The following ZNF43 variants were observed in gnomAD, a reference collection of about 807,000 sequenced individuals.
The protein encoded by ZNF43 is zinc finger protein 39-like 1 (KOX 27).
A neutral mutation model predicts 68.4 loss-of-function variants in ZNF43; 44 were observed. The observed-to-expected ratio is 0.64, with a 90% CI of 0.51 to 0.83. The LOEUF (loss-of-function observed/expected upper bound fraction) is 0.83, where lower values mean the gene tolerates loss of function less well. Ranked by LOEUF, ZNF43 falls within the 40% of genes least tolerant of loss-of-function variation. The pLI is 0.00. For missense variants in ZNF43, 896 were observed against 933.2 expected, an observed-to-expected ratio of 0.96 and a Z score of 0.52; for synonymous variants, 308 against 307.8, an observed-to-expected ratio of 1.00 and a Z score of -0.01.
chr19:21,808,622 T>C lies in ZNF43; in HGVS notation c.1415A>G (p.His472Arg), dbSNP rs200283818. 15 of 1,613,722 alleles carry C rather than the reference T, an allele frequency of 9.3e-6. No homozygotes were observed. The highest frequency in any genetic ancestry group is 2.2e-5 in the East Asian group (1 of 44,868). The change falls in exon 4 of 4, where the codon CAT becomes CGT. Residue 472 changes from histidine to arginine, a missense_variant. By Grantham distance (29) the His-to-Arg change is conservative. Transcript: ENST00000354959. The part of the protein sequence containing the change: ...AFNQFSNLTT[H>R]KRIHTAEKPY... ...TTTTTCTGCAGTATGAATTCTCTTA[T>C]GTGTAGTAAGGTTTGAGAACTGGTT...
rs1181354510 is a variant in ZNF43, at chr19:21,844,921, AATAT to A, written c.30+6980_30+6983del. ...CAAAAAAAAAAAAAAAAAAAAAAAAAATATATATATATATATATATATATATGTT... is the reference window on the plus strand; with the variant it reads ...CAAAAAAAAAAAAAAAAAAAAAAAAAATATATATATATATATATATATGTT... On this transcript the variant is annotated intron_variant, in intron 1 of 3. Transcript: ENST00000357491. 2.5e-3 allele frequency among the ~76,000 whole-genome samples: 65 copies of A among 26,052 alleles called. 3 individuals are homozygous for A. The highest frequency in any genetic ancestry group is 0.012 in the African/African-American group (55 of 4,596). The allele number at this position is 26,052 out of a possible 152,430, so 17.1% of individuals were successfully genotyped here.
chr19:21,820,966 T>C (rs2037810770), intron 1 of ZNF43, among the ~76,000 whole-genome samples: 1 of 151,290 alleles, frequency 6.6e-6, no homozygotes, highest in African/African-American at 2.4e-5. Context: ...CCTGAGTAGC[T>C]AGGATTACAG....
chr19:21,822,457 C>A lies in ZNF43; in HGVS notation c.4-3236G>T, dbSNP rs192113337. On this transcript the variant is annotated intron_variant, in intron 1 of 3. Coordinates refer to ENST00000354959, the MANE Select transcript of ZNF43 (RefSeq NM_003423.4). ...TAAGCAGGCCTGACCTAAATAAGGC[C>A]TCCAAAAGGGGTGAATCTGAACAGA... is the stretch of plus-strand genomic sequence containing the variant. Among the ~76,000 whole-genome samples, 4 of 146,440 alleles carry A rather than the reference C, an allele frequency of 2.7e-5. No homozygotes were observed. The Admixed American group carries it at 2.7e-4, about 10-fold the overall frequency.
At chr19:21,825,751 G>C (rs1306940806) in intron 1 of ZNF43, among the ~76,000 whole-genome samples, 6 of 152,146 alleles carry the variant, frequency 3.9e-5, no homozygotes, top group Non-Finnish European at 8.8e-5. Context: ...GGATACAAGA[G>C]TCATTGAAAA....
At chr19:21,815,486 C>T (rs868858979) in intron 3 of ZNF43, among the ~76,000 whole-genome samples, 4 of 139,546 alleles carry the variant, frequency 2.9e-5, no homozygotes, top group South Asian at 2.4e-4. Context: ...AACTAAATTA[C>T]ATATATATAT....
At chr19:21,833,378 T>C (rs2038517821) in intron 1 of ZNF43, among the ~76,000 whole-genome samples, 1 of 152,120 alleles carries the variant, frequency 6.6e-6, no homozygotes, top group Non-Finnish European at 1.5e-5. Context: ...GCGATTCTCC[T>C]GCCTCTGCCT....
chr19:21,809,182 G>C lies in ZNF43; in HGVS notation c.855C>G (p.Phe285Leu). The change falls in exon 4 of 4, where the codon TTC becomes TTG. Residue 285 changes from phenylalanine (F) to leucine (L), a missense_variant. By Grantham distance (22) the Phe-to-Leu change is conservative. Transcript: ENST00000354959. ...THKIIRTGEK[F>L]YKCKECAKAF... The stretch of plus-strand genomic sequence containing the variant: ...CTTTGGCACATTCTTTACATTTGTA[G>C]AATTTCTCTCCAGTGCGAATTATCT... 6.2e-7 allele frequency: 1 copy of C among 1,613,282 alleles called. No individual in the cohort carries two copies. Among genetic ancestry groups the C allele is most frequent in the Non-Finnish European group, 8.5e-7 (1 of 1,179,734 alleles).
At chr19:21,835,570 T>C (rs2038678185) in intron 1 of ZNF43, among the ~76,000 whole-genome samples, 4 of 151,904 alleles carry the variant, frequency 2.6e-5, no homozygotes, top group African/African-American at 9.7e-5. Context: ...TTAGCCAGGC[T>C]GCTCTCGAAC....
At chr19:21,829,010 G>A (rs944254775) in intron 1 of ZNF43, among the ~76,000 whole-genome samples, 2 of 126,434 alleles carry the variant, frequency 1.6e-5, no homozygotes, top group Admixed American at 9.5e-5. Flanking sequence ...TCCAGCCTGG[G>A]CGAAAGAGAG....
At chr19:21,851,901 T>C in intron 1 of ZNF43, 1 of 1,578,838 alleles carries the variant, frequency 6.3e-7, no homozygotes, top group Admixed American at 1.8e-5. Flanking sequence ...CCCCGCACAC[T>C]CACCATTTCC....
intron 1 of ZNF43, among the ~76,000 whole-genome samples, chr19:21,847,872 C>G (rs763117549): frequency 5.3e-5 from 8 of 152,020 alleles, no homozygotes; most frequent in Non-Finnish European, 8.8e-5. Flanking sequence ...CTCGCTCTGT[C>G]ACCCAGGCTG....
Position 21,809,498 on chromosome 19 carries a change from C to T in ZNF43, c.539G>A (p.Gly180Asp), listed in dbSNP as rs765378074. Residue 180 changes from glycine (G) to aspartate (D), a missense_variant, in exon 4 of 4, where the codon GGC (glycine) becomes GAC (aspartate). Gly to Asp is a moderately conservative substitution (Grantham distance 94). Transcript: ENST00000354959. ...EKKLFKCKEC[G>D]KSFCMLPHLA... is the part of the protein sequence containing the mutation. ...ATGTGGAAGCATGCAAAATGATTTGCCACATTCTTTGCATTTGAAAAGTTT... is the reference window on the plus strand; with the variant it reads ...ATGTGGAAGCATGCAAAATGATTTGTCACATTCTTTGCATTTGAAAAGTTT... 3.7e-6 allele frequency: 6 copies of T among 1,613,586 alleles called. No individual in the cohort carries two copies. The highest frequency in any genetic ancestry group is 1.7e-5 in the Admixed American group (1 of 59,930).
chr19:21,815,517 A>G (rs2037487741), intron 3 of ZNF43, among the ~76,000 whole-genome samples: 2 of 149,396 alleles, frequency 1.3e-5, no homozygotes, highest in South Asian at 4.2e-4. Flanking sequence ...ATTTTGCAGA[A>G]TACGGTTACA....
chr19:21,814,794 A>G (rs1488134123), intron 3 of ZNF43, among the ~76,000 whole-genome samples: 1 of 152,184 alleles, frequency 6.6e-6, no homozygotes, highest in East Asian at 1.9e-4. Context: ...CATAGGTAAA[A>G]CCAAAAAACA....
At position 21,807,408 on chromosome 19, in the gene ZNF43, C is replaced by A; in HGVS notation, c.*199G>T. The A allele has an allele frequency of 2.1e-6, 1 of 483,002 alleles. No homozygotes were observed. Among genetic ancestry groups the A allele is most frequent in the East Asian group, 3.3e-5 (1 of 30,492 alleles). 29.9% of individuals were successfully genotyped at this position (483,002 alleles called of 1,614,324 possible). On this transcript the variant is annotated 3_prime_UTR_variant, in exon 4 of 4. Transcript: ENST00000354959. ...CACATATTAATGGCTTTTCCACATT[C>A]TTTGTGTATATACCTTTTTCCAAGT... is the stretch of plus-strand genomic sequence containing the variant.
Position 21,807,677 on chromosome 19 carries a change from T to C in ZNF43, c.2360A>G (p.Glu787Gly), listed in dbSNP as rs2037007546. ...LTTHNKIHTG[E>G]KLYKPEDVTV... ...CACATCTTCAGGTTTGTAGAGTTTCTCTCCAGTATGAATTTTGTTATGTGT... is the reference window on the plus strand; with the variant it reads ...CACATCTTCAGGTTTGTAGAGTTTCCCTCCAGTATGAATTTTGTTATGTGT... The change falls in exon 4 of 4, where the codon GAG becomes GGG. Residue 787 changes from glutamate (E) to glycine (G), a missense_variant. Glu to Gly is a moderately conservative substitution (Grantham distance 98). Coordinates refer to ENST00000354959, the MANE Select transcript of ZNF43 (RefSeq NM_003423.4). 2 of 1,604,664 alleles carry C rather than the reference T, an allele frequency of 1.2e-6. No homozygotes were observed. The highest frequency in any genetic ancestry group is 1.7e-5 in the Admixed American group (1 of 58,488).
chr19:21,816,785 C>G (rs1179307568), intron 3 of ZNF43, among the ~76,000 whole-genome samples: 1 of 152,140 alleles, frequency 6.6e-6, no homozygotes, highest in Non-Finnish European at 1.5e-5. Context: ...ATAAAGCCCA[C>G]CATATGCAGA....
intron 1 of ZNF43, among the ~76,000 whole-genome samples, chr19:21,849,675 G>A (rs1968209530): frequency 6.6e-6 from 1 of 151,824 alleles, no homozygotes; most frequent in Non-Finnish European, 1.5e-5. Context: ...CCAGGAGGCG[G>A]AGGTTGCAGT....
intron 1 of ZNF43, among the ~76,000 whole-genome samples, chr19:21,850,152 T>C (rs1968248287): frequency 6.6e-6 from 1 of 152,248 alleles, no homozygotes; most frequent in South Asian, 2.1e-4. Context: ...GAGAGACACA[T>C]TACCTGAGTC....
Sources: gnomAD v4.1 joint callset for allele counts (sites outside exome capture counted in the v4.1 genomes callset) on GRCh38, gnomAD v4.1.1 for gene constraint, MANE v1.5 for transcripts, NCBI Gene and HGNC (gene_info 2026-07-23, HGNC 2026-07-21) for gene names.